CACNA2D4: variants seen among roughly 807,000 people sequenced by gnomAD.
CACNA2D4 encodes calcium voltage-gated channel auxiliary subunit alpha2delta 4.
Under a neutral mutation model 163.8 loss-of-function variants are expected in CACNA2D4, and 157 were observed. That is an observed-to-expected ratio of 0.96 (90% CI 0.84 to 1.09). CACNA2D4 has a LOEUF of 1.09. CACNA2D4 is among the 50% of genes least tolerant of loss of function. The pLI is 0.00. For synonymous variants in CACNA2D4, 598 were observed against 586.9 expected (o/e 1.02, Z -0.27); for missense variants, 1,410 against 1,479.9 (o/e 0.95, Z 0.78).
intron 30 of CACNA2D4, 68 bp downstream of exon 30, chr12:1,801,506 G>T: frequency 7.8e-7 from 1 of 1,285,076 alleles, no homozygotes; most frequent in South Asian, 1.3e-5. Flanking sequence ...AGATCCGCCA[G>T]GACCACTTAG....
In CACNA2D4 at chr12:1,907,806, G is replaced by A. The variant is rs981827816; in HGVS notation, c.649+69C>T. ...AGTATGCCTGGTGGGTGTGCCTGGT[G>A]GGCGTGTCTGGTGGGTGTGCTAGGT... On this transcript the variant is annotated intron_variant, in intron 5 of 37. Coordinates refer to ENST00000382722, the MANE Select transcript of CACNA2D4 (RefSeq NM_172364.5). 4.1e-5 allele frequency: 63 copies of A among 1,535,848 alleles called. No homozygotes were observed. The Admixed American group carries it at 8.7e-4, about 21-fold the overall frequency.
chr12:1,828,378 C>T lies in CACNA2D4; in HGVS notation c.2551+12361G>A, dbSNP rs867758940. Among the ~76,000 whole-genome samples the T allele has an allele frequency of 5.3e-5, 8 of 152,306 alleles. No individual in the cohort carries two copies. The highest frequency in any genetic ancestry group is 7.2e-5 in the African/African-American group (3 of 41,576). ...GCTATGTTCTGGGAAGCCAGGGTCACGCCCACGGTGACAGCATCCCTGCCA... is the reference window on the plus strand; with the variant it reads ...GCTATGTTCTGGGAAGCCAGGGTCATGCCCACGGTGACAGCATCCCTGCCA... On this transcript the variant is annotated intron_variant, in intron 26 of 37. Coordinates refer to ENST00000382722, the MANE Select transcript of CACNA2D4 (RefSeq NM_172364.5). The surrounding 1 kb of genome is among the most constrained non-coding windows in gnomAD (Gnocchi z 4.2).
chr12:1,915,338 C>T (rs975823273), intron 1 of CACNA2D4: 4 of 684,708 alleles, frequency 5.8e-6, no homozygotes, highest in Middle Eastern at 3.1e-4. Flanking sequence ...GGCTGACGAG[C>T]CCAGGACTGA....
chr12:1,840,242 T>A (rs1864983689), intron 26 of CACNA2D4, among the ~76,000 whole-genome samples: 1 of 152,112 alleles, frequency 6.6e-6, no homozygotes, highest in Non-Finnish European at 1.5e-5. Context: ...AGCTTTATGA[T>A]GATGACGATG....
intron 18 of CACNA2D4, among the ~76,000 whole-genome samples, chr12:1,872,912 C>T (rs1865814688): frequency 6.6e-6 from 1 of 152,114 alleles, no homozygotes; most frequent in Admixed American, 6.5e-5. Flanking sequence ...ACCTTTAAGG[C>T]TGGAGAGTTG....
At chr12:1,902,378 G>C (rs1357550610) in intron 6 of CACNA2D4, among the ~76,000 whole-genome samples, 4 of 151,770 alleles carry the variant, frequency 2.6e-5, no homozygotes, top group African/African-American at 9.7e-5. Context: ...CAATCAGACA[G>C]GAGAAAAAAA....
chr12:1,878,279 A>G lies in CACNA2D4; in HGVS notation c.1719+36T>C. 6.3e-7 allele frequency: 1 copy of G among 1,589,496 alleles called. No homozygotes were observed. Among genetic ancestry groups the G allele is most frequent in the East Asian group, 2.3e-5 (1 of 43,924 alleles). On this transcript the variant is annotated intron_variant, in intron 16 of 37. Coordinates refer to ENST00000382722, the MANE Select transcript of CACNA2D4 (RefSeq NM_172364.5). This position sits in a 1 kb window ranked among gnomAD's most constrained non-coding sequence, Gnocchi z 4.6. ...TGTGAATTACCCCCAAATCCCATAC[A>G]GTAAGGATCCCAAGGCAAAGAAGAT...
rs1415273558 is a variant in CACNA2D4, at chr12:1,797,483, G to T, written c.3048C>A (p.Pro1016=). 1 of 1,585,982 alleles carries T rather than the reference G, an allele frequency of 6.3e-7. No individual in the cohort carries two copies. The highest frequency in any genetic ancestry group is 1.8e-5 in the Admixed American group (1 of 56,928). The stretch of plus-strand genomic sequence containing the variant: ...GGATGGCCGGCTGGTACACGAACAC[G>T]GGGTACTCCGTGTCGCAGGGCTGCA... ...DPLQPCDTEY[P]VFVYQPAIRE... is the part of the protein sequence containing the mutation. Residue 1016 remains proline, a synonymous_variant, in exon 35 of 38, where the codon CCC becomes CCA. Transcript: ENST00000382722.
rs763856512 is a variant in CACNA2D4 at position 1,843,691 on chromosome 12, G to A, written c.2470+711C>T. The stretch of plus-strand genomic sequence containing the variant: ...ACTGAAGCCTCTGCAGGATTTTTCC[G>A]GTGCTCTGTTAGAGTCACTTAATTT... On this transcript the variant is annotated intron_variant, in intron 25 of 37. Coordinates refer to ENST00000382722, the MANE Select transcript of CACNA2D4 (RefSeq NM_172364.5). This position sits in a 1 kb window ranked among gnomAD's most constrained non-coding sequence, Gnocchi z 4.6. 1.3e-5 allele frequency among the ~76,000 whole-genome samples: 2 copies of A among 152,192 alleles called. No homozygotes were observed. The highest frequency in any genetic ancestry group is 2.9e-5 in the Non-Finnish European group (2 of 68,034).
chr12:1,828,790 G>A lies in CACNA2D4; in HGVS notation c.2551+11949C>T, dbSNP rs532554695. 1.3e-4 allele frequency among the ~76,000 whole-genome samples: 20 copies of A among 152,296 alleles called. No homozygotes were observed. The highest frequency in any genetic ancestry group is 4.3e-4 in the African/African-American group (18 of 41,558). On this transcript the variant is annotated intron_variant, in intron 26 of 37. Transcript: ENST00000382722. This position sits in a 1 kb window ranked among gnomAD's most constrained non-coding sequence, Gnocchi z 4.2. Reference sequence around the variant, plus strand: ...GTGGGTCCAACCCCTCCTGCATATAGGCAGACTGAGCCGTCCATTTACCAA... The same window carrying A: ...GTGGGTCCAACCCCTCCTGCATATAAGCAGACTGAGCCGTCCATTTACCAA...
At chr12:1,898,129 A>G (rs781714117) in intron 6 of CACNA2D4, among the ~76,000 whole-genome samples, 7 of 152,208 alleles carry the variant, frequency 4.6e-5, no homozygotes, top group Non-Finnish European at 7.4e-5. Flanking sequence ...GAAATATGGA[A>G]GAAATCACAA....
chr12:1,805,462 C>T (rs1001533361), intron 29 of CACNA2D4, among the ~76,000 whole-genome samples: 1 of 152,238 alleles, frequency 6.6e-6, no homozygotes, highest in Non-Finnish European at 1.5e-5. Flanking sequence ...GGGAGCTCAT[C>T]CTCCTAAGGG....
At chr12:1,906,901 A>G (rs1303491036) in intron 6 of CACNA2D4, among the ~76,000 whole-genome samples, 1 of 152,260 alleles carries the variant, frequency 6.6e-6, no homozygotes, top group Non-Finnish European at 1.5e-5. Context: ...GCTAAACTAT[A>G]AAAATGGGTT....
Position 1,834,240 on chromosome 12 carries a change from G to A in CACNA2D4, c.2551+6499C>T. The A allele has an allele frequency of 6.5e-7, 1 of 1,527,828 alleles. No individual in the cohort carries two copies. Among genetic ancestry groups the A allele is most frequent in the South Asian group, 1.3e-5 (1 of 77,126 alleles). 94.6% of individuals were successfully genotyped at this position (1,527,828 alleles called of 1,614,324 possible). ...AGTGCAAGTTCTAGATGCCTGGTCAGCCCCTCTTTTTCTCTTCTGCATGTA... is the reference window on the plus strand; with the variant it reads ...AGTGCAAGTTCTAGATGCCTGGTCAACCCCTCTTTTTCTCTTCTGCATGTA... On this transcript the variant is annotated intron_variant, in intron 26 of 37. Transcript: ENST00000382722. The surrounding 1 kb of genome is among the most constrained non-coding windows in gnomAD (Gnocchi z 7.6).
At chr12:1,826,511 T>G (rs1416256823) in intron 26 of CACNA2D4, among the ~76,000 whole-genome samples, 1 of 137,856 alleles carries the variant, frequency 7.3e-6, no homozygotes, top group Non-Finnish European at 1.5e-5. Context: ...CCACCCCTCA[T>G]GCCAGGGACG....
chr12:1,819,674 A>C (rs1293202259), intron 26 of CACNA2D4, among the ~76,000 whole-genome samples: 2 of 152,070 alleles, frequency 1.3e-5, no homozygotes, highest in African/African-American at 4.8e-5. Context: ...ATCTCTTAGG[A>C]TATCAATTTT....
chr12:1,890,044 G>A (rs1419396781), intron 6 of CACNA2D4, among the ~76,000 whole-genome samples: 3 of 152,166 alleles, frequency 2.0e-5, no homozygotes, highest in African/African-American at 7.2e-5. Context: ...TTGGCTGGGA[G>A]CCTCTCCAGG....
chr12:1,858,703 G>A (rs533030409), intron 19 of CACNA2D4, 59 bp from the exon 20 acceptor site: 22 of 1,422,886 alleles, frequency 1.5e-5, no homozygotes, highest in Middle Eastern at 1.8e-4. Context: ...CCTGTCTCCC[G>A]GGCCTCGTCC....
Position 1,836,658 on chromosome 12 carries a change from G to A in CACNA2D4, c.2551+4081C>T, listed in dbSNP as rs547297208. 1.9e-3 allele frequency: 287 copies of A among 152,666 alleles called. 1 individual carries two copies. Among genetic ancestry groups the A allele is most frequent in the Non-Finnish European group, 3.2e-3 (219 of 68,016 alleles). The allele number at this position is 152,666 out of a possible 1,614,324, so 9.5% of individuals were successfully genotyped here. A position where few individuals can be genotyped will look rare whatever the true frequency, so the allele number is the denominator to read the frequency against. ...GGGAGGGGAGGGCATTGTCAATGGT[G>A]GTATCTTTAGCCTGAGACAGAAGAT... On this transcript the variant is annotated intron_variant, in intron 26 of 37. Coordinates refer to ENST00000382722, the MANE Select transcript of CACNA2D4 (RefSeq NM_172364.5).
Sources: allele counts gnomAD v4.1 joint callset (sites outside exome capture counted in the v4.1 genomes callset), GRCh38; gene constraint gnomAD v4.1.1; non-coding constraint Gnocchi (gnomAD v3.1); transcripts MANE v1.5; gene names NCBI Gene and HGNC (gene_info 2026-07-23, HGNC 2026-07-21).